The following KLK12 variants were observed in gnomAD, a reference collection of about 807,000 sequenced individuals.
KLK12 encodes the protein kallikrein-12.
A neutral mutation model predicts 20.0 loss-of-function variants in KLK12; 23 were observed. That is an observed-to-expected ratio of 1.15 (90% CI 0.83 to 1.63). KLK12 has a LOEUF of 1.63. KLK12 is among the 40% of genes most tolerant of loss of function. KLK12 has a pLI of 0.00. For synonymous variants in KLK12, 147 were observed against 141.9 expected (o/e 1.04, Z -0.25); for missense variants, 351 against 338.6 (o/e 1.04, Z -0.29).
At chr19:51,030,167 G>A (rs939997440) in intron 5 of KLK12, 4 of 154,612 alleles carry the variant, frequency 2.6e-5, no homozygotes, top group Admixed American at 1.3e-4. Context: ...AGTCCTCTCC[G>A]TCTGTTTTGC....
chr19:51,032,467 A>G lies in KLK12; in HGVS notation c.198-332T>C, dbSNP rs1291259669. Among the ~76,000 whole-genome samples the G allele has an allele frequency of 2.2e-5, 3 of 137,744 alleles. No individual in the cohort carries two copies. The Admixed American group carries it at 2.2e-4, about 10-fold the overall frequency. 90.4% of individuals were successfully genotyped at this position (137,744 alleles called of 152,430 possible). A position where few individuals can be genotyped will look rare whatever the true frequency, so the allele number is the denominator to read the frequency against. On this transcript the variant is annotated intron_variant, in intron 3 of 5. Coordinates refer to ENST00000684732, the MANE Select transcript of KLK12 (RefSeq NM_001370125.1). ...AGTGGCACCATCTTGGCTCACTACAACCTCCACCTCCCAGGTTCAAGCAAT... is the reference window on the plus strand; with the variant it reads ...AGTGGCACCATCTTGGCTCACTACAGCCTCCACCTCCCAGGTTCAAGCAAT...
In KLK12 at chr19:51,030,839, G is replaced by A; in HGVS notation, c.540C>T (p.Ile180=). 1 of 1,614,132 alleles carries A rather than the reference G, an allele frequency of 6.2e-7. No individual in the cohort carries two copies. The highest frequency in any genetic ancestry group is 8.5e-7 in the Non-Finnish European group (1 of 1,180,036). ...ATCHGVYPGR[I]TSNMVCAGGV... ...CGCCTGCACACACCATGTTGCTCGT[G>A]ATTCTCCCGGGATACACACCATGGC... Residue 180 remains isoleucine (I), a synonymous_variant, in exon 5 of 6, where the codon ATC becomes ATT. Transcript: ENST00000684732.
At chr19:51,030,208 TC>T (rs1369268354) in intron 5 of KLK12, 1 of 141,518 alleles carries the variant, frequency 7.1e-6, no homozygotes, top group Non-Finnish European at 1.5e-5. Flanking sequence ...GCCCCATCTT[TC>T]CTTCTCTGTT....
In KLK12 at chr19:51,029,462, A is replaced by G. The variant is rs2091529070; in HGVS notation, c.592-5T>C. ...CAGGGGGCCCCCAGAATCACCCTGGAAGGGAAGAGAAGTACTGTCTGAACA... is the reference window on the plus strand; with the variant it reads ...CAGGGGGCCCCCAGAATCACCCTGGGAGGGAAGAGAAGTACTGTCTGAACA... On this transcript the variant is annotated splice_polypyrimidine_tract_variant and splice_region_variant and intron_variant, in intron 5 of 5. Coordinates refer to ENST00000684732, the MANE Select transcript of KLK12 (RefSeq NM_001370125.1). 6.2e-7 allele frequency: 1 copy of G among 1,601,464 alleles called. No homozygotes were observed. Among genetic ancestry groups the G allele is most frequent in the Admixed American group, 1.7e-5 (1 of 59,996 alleles).
intron 3 of KLK12, 43 bp from the exon 4 acceptor site, chr19:51,032,178 C>T (rs1416266010): frequency 6.5e-7 from 1 of 1,546,998 alleles, no homozygotes; most frequent in Non-Finnish European, 8.6e-7. Flanking sequence ...CACGCAGTCC[C>T]CCACCTTGCA....
At chr19:51,033,480 G>A (rs1386455301) in intron 3 of KLK12, among the ~76,000 whole-genome samples, 1 of 152,164 alleles carries the variant, frequency 6.6e-6, no homozygotes, top group Non-Finnish European at 1.5e-5. Context: ...GCTGGGCATG[G>A]TGGCGGGTGC....
chr19:51,032,599 C>T (rs1018445145), intron 3 of KLK12, among the ~76,000 whole-genome samples: 3 of 151,904 alleles, frequency 2.0e-5, no homozygotes, highest in African/African-American at 4.8e-5. Flanking sequence ...GTGTGTCAGG[C>T]TGGTCTCAAA....
chr19:51,034,323 G>T, intron 2 of KLK12, 184 bp from the exon 3 acceptor site: 1 of 1,147,694 alleles, frequency 8.7e-7, no homozygotes, highest in Non-Finnish European at 1.2e-6. Context: ...CACCCAGGGA[G>T]AAAGATGCTT....
At chr19:51,032,704 C>T (rs1041314497) in intron 3 of KLK12, among the ~76,000 whole-genome samples, 3 of 151,846 alleles carry the variant, frequency 2.0e-5, no homozygotes, top group Admixed American at 6.6e-5. Flanking sequence ...CTGATTCTCT[C>T]GGCTGGTGAA....
At chr19:51,031,801 A>G (rs760076618) in intron 4 of KLK12, 75 bp downstream of exon 4, 1 of 1,488,212 alleles carries the variant, frequency 6.7e-7, no homozygotes, top group Non-Finnish European at 9.3e-7. Context: ...CTGAGGTGTC[A>G]TGATTCGACC....
At chr19:51,031,825 C>G in intron 4 of KLK12, 51 bp downstream of exon 4, 1 of 1,599,572 alleles carries the variant, frequency 6.3e-7, no homozygotes, top group Non-Finnish European at 8.6e-7. Flanking sequence ...CGCCCTGCAT[C>G]CCAGACTTGT....
chr19:51,034,262 G>C (rs2091590308), intron 2 of KLK12, 123 bp from the exon 3 acceptor site: 6 of 1,239,190 alleles, frequency 4.8e-6, no homozygotes, highest in Non-Finnish European at 5.7e-6. Context: ...GAGAAAGAGA[G>C]AGAAAGAGAG....
rs1200163435 is a variant in KLK12, at chr19:51,034,951, C to A, written c.-165G>T. The A allele has an allele frequency of 2.7e-5, 33 of 1,224,580 alleles. No homozygotes were observed. Among genetic ancestry groups the A allele is most frequent in the Middle Eastern group, 3.4e-4 (1 of 2,934 alleles). 75.9% of individuals were successfully genotyped at this position (1,224,580 alleles called of 1,614,324 possible). On this transcript the variant is annotated 5_prime_UTR_variant, in exon 1 of 6. It adds an upstream start codon to the 5' untranslated region. Coordinates refer to ENST00000684732, the MANE Select transcript of KLK12 (RefSeq NM_001370125.1). ...AACTCTACCACTCTGCACCTGGCTC[C>A]TCAGCCACCTGTCATGTTGCTCAAC...
rs184605278 is a variant in KLK12 at position 51,034,789 on chromosome 19, G to A, written c.-20+17C>T. ...GTGTGTCACTCCCTCATTGGCAGTC[G>A]CCTACCTCCTTCTCACCTTGTCTCT... On this transcript the variant is annotated intron_variant, in intron 1 of 5. Coordinates refer to ENST00000684732, the MANE Select transcript of KLK12 (RefSeq NM_001370125.1). The A allele has an allele frequency of 6.0e-6, 9 of 1,488,500 alleles. No homozygotes were observed. The highest frequency in any genetic ancestry group is 4.2e-5 in the African/African-American group (3 of 71,804). 92.2% of individuals were successfully genotyped at this position (1,488,500 alleles called of 1,614,324 possible).
rs775495856 is a variant in KLK12, at chr19:51,030,899, C to CTGGAGCAGATCCGGGAA, written c.463_479dup (p.Gln160HisfsTer90). 6.1e-5 allele frequency: 99 copies of CTGGAGCAGATCCGGGAA among 1,614,142 alleles called. No individual in the cohort carries two copies. In the African/African-American group the frequency reaches 1.1e-3, roughly 18 times the overall value. Reference sequence around the variant, plus strand: ...GGGAGACGATGGAGAGGTTGAGGCACTGGAGCAGATCCGGGAATGGGTCTG... The same window carrying CTGGAGCAGATCCGGGAA: ...GGGAGACGATGGAGAGGTTGAGGCACTGGAGCAGATCCGGGAATGGAGCAGATCCGGGAATGGGTCTG... On this transcript the variant is annotated frameshift_variant, in exon 5 of 6. Coordinates refer to ENST00000684732, the MANE Select transcript of KLK12 (RefSeq NM_001370125.1). LOFTEE classifies it high-confidence loss of function.
At position 51,031,595 on chromosome 19, in the gene KLK12, C is replaced by CATACATATATATATATATATAT. The variant is rs6146546; in HGVS notation, c.457+280_457+281insATATATATATATATATATGTAT. Reference sequence around the variant, plus strand: ...CCACAATGCCCATATCCTATACATACATATATATATATATATGCCTTTTGC... The same window carrying CATACATATATATATATATATAT: ...CCACAATGCCCATATCCTATACATACATACATATATATATATATATATATATATATATATATATGCCTTTTGC... On this transcript the variant is annotated intron_variant, in intron 4 of 5. Transcript: ENST00000684732. Among the ~76,000 whole-genome samples, 111 of 120,472 alleles carry CATACATATATATATATATATAT rather than the reference C, an allele frequency of 9.2e-4. 2 individuals are homozygous for CATACATATATATATATATATAT. Among genetic ancestry groups the CATACATATATATATATATATAT allele is most frequent in the East Asian group, 1.7e-3 (7 of 4,012 alleles). 79.0% of individuals were successfully genotyped at this position (120,472 alleles called of 152,430 possible).
Position 51,034,792 on chromosome 19 carries a change from T to A in KLK12, c.-20+14A>T. ...TGTCACTCCCTCATTGGCAGTCGCC[T>A]ACCTCCTTCTCACCTTGTCTCTTTG... is the stretch of plus-strand genomic sequence containing the variant. On this transcript the variant is annotated intron_variant, in intron 1 of 5. Transcript: ENST00000684732. 6.7e-7 allele frequency: 1 copy of A among 1,485,722 alleles called. No homozygotes were observed. Among genetic ancestry groups the A allele is most frequent in the Non-Finnish European group, 8.9e-7 (1 of 1,117,712 alleles). 92.0% of individuals were successfully genotyped at this position (1,485,722 alleles called of 1,614,324 possible).
In KLK12 at chr19:51,030,814, C is replaced by T. The variant is rs762968082; in HGVS notation, c.565G>A (p.Gly189Ser). Residue 189 changes from glycine to serine, a missense_variant, in exon 5 of 6, where the codon GGC (glycine) becomes AGC (serine). Coordinates refer to ENST00000684732, the MANE Select transcript of KLK12 (RefSeq NM_001370125.1). ...RITSNMVCAG[G>S]VPGQDACQGD... ...TGGCAGGCATCCTGCCCCGGGACGC[C>T]GCCTGCACACACCATGTTGCTCGTG... The T allele has an allele frequency of 2.5e-6, 4 of 1,613,884 alleles. No homozygotes were observed. In the South Asian group the frequency reaches 3.3e-5, roughly 13 times the overall value.
At chr19:51,032,569 T>G (rs1051860616) in intron 3 of KLK12, among the ~76,000 whole-genome samples, 15 of 151,806 alleles carry the variant, frequency 9.9e-5, no homozygotes, top group African/African-American at 3.4e-4. Context: ...GTATTTTTAG[T>G]AGAGATAAGG....
Sources: allele counts gnomAD v4.1 joint callset (sites outside exome capture counted in the v4.1 genomes callset), GRCh38; gene constraint gnomAD v4.1.1; transcripts MANE v1.5; gene names NCBI Gene and HGNC (gene_info 2026-07-23, HGNC 2026-07-21).